Variants in KLK3 observed in about 807,000 individuals in gnomAD.
The protein encoded by KLK3 is prostate-specific antigen.
KLK3 carries 23 observed loss-of-function variants against 27.7 expected under a neutral mutation model. The observed-to-expected ratio is 0.83, with a 90% CI of 0.60 to 1.17. The LOEUF (loss-of-function observed/expected upper bound fraction) is 1.17. KLK3 is among the 50% of genes most tolerant of loss of function. The pLI, the probability that KLK3 is intolerant of heterozygous loss-of-function variation, is 0.00. For missense variants in KLK3, 322 were observed against 338.1 expected, an observed-to-expected ratio of 0.95 and a Z score of 0.37; for synonymous variants, 142 against 134.2, an observed-to-expected ratio of 1.06 and a Z score of -0.40.
In KLK3 at chr19:50,858,320, G is replaced by T; in HGVS notation, c.493+5G>T. The T allele has an allele frequency of 1.9e-6, 3 of 1,610,590 alleles. No homozygotes were observed. The highest frequency in any genetic ancestry group is 2.2e-5 in the East Asian group (1 of 44,842). On this transcript the variant is annotated splice_donor_5th_base_variant and intron_variant, in intron 3 of 4. Transcript: ENST00000326003. ...GCAGCATTGAACCAGAGGAGTGTAC[G>T]CCTGGGCCAGATGGTGCAGCCGGGA...
At chr19:50,857,162 C>CA (rs560911495) in intron 2 of KLK3, among the ~76,000 whole-genome samples, 5,871 of 46,170 alleles carry the variant, frequency 0.13, 697 homozygotes, top group African/African-American at 0.27. Context: ...GACTCCGCCT[C>CA]AAAAAAAAAA....
chr19:50,856,793 T>C, intron 2 of KLK3: 1 of 182,814 alleles, frequency 5.5e-6, no homozygotes, highest in Non-Finnish European at 1.1e-5. Context: ...AGGCTCTGTC[T>C]CTCGGTCTCT....
Position 50,860,246 on chromosome 19 carries a change from G to C in KLK3, c.*119G>C. 1 of 759,178 alleles carries C rather than the reference G, an allele frequency of 1.3e-6. No homozygotes were observed. Among genetic ancestry groups the C allele is most frequent in the Non-Finnish European group, 2.2e-6 (1 of 453,836 alleles). The allele number at this position is 759,178 out of a possible 1,614,324, so 47.0% of individuals were successfully genotyped here. Reference sequence around the variant, plus strand: ...TTAGGTGTGAGGTCCAGGGTTGCTAGGAAAAGAAATCAGCAGACACAGGTG... The same window carrying C: ...TTAGGTGTGAGGTCCAGGGTTGCTACGAAAAGAAATCAGCAGACACAGGTG... On this transcript the variant is annotated 3_prime_UTR_variant, in exon 5 of 5. Coordinates refer to ENST00000326003, the MANE Select transcript of KLK3 (RefSeq NM_001648.2).
intron 4 of KLK3, chr19:50,859,462 C>G (rs2090170666): frequency 1.5e-6 from 2 of 1,364,810 alleles, no homozygotes; most frequent in Admixed American, 1.7e-5. Context: ...TGGGCCCTTA[C>G]CCAGCCTCCC....
rs182679925 is a variant in KLK3, at chr19:50,858,868, A to T, written c.630+273A>T. ...ACCCAGCACTGCCCTAGAGCCTGGGACATAGCAGTGAACAGACAGAGAGCA... is the reference window on the plus strand; with the variant it reads ...ACCCAGCACTGCCCTAGAGCCTGGGTCATAGCAGTGAACAGACAGAGAGCA... On this transcript the variant is annotated intron_variant, in intron 4 of 4. Coordinates refer to ENST00000326003, the MANE Select transcript of KLK3 (RefSeq NM_001648.2). 1,150 of 567,228 alleles carry T rather than the reference A, an allele frequency of 2.0e-3. 8 individuals are homozygous for T. Among genetic ancestry groups the T allele is most frequent in the African/African-American group, 0.019 (1,002 of 53,508 alleles). The allele number at this position is 567,228 out of a possible 1,614,324, so 35.1% of individuals were successfully genotyped here.
At chr19:50,859,890 C>T in intron 4 of KLK3, 82 bp from the exon 5 acceptor site, 1 of 1,529,462 alleles carries the variant, frequency 6.5e-7, no homozygotes, top group South Asian at 1.3e-5. Context: ...CTGTTATCTG[C>T]CTGTCCAGGT....
At chr19:50,855,143 C>G in intron 1 of KLK3, 142 bp downstream of exon 1, 1 of 745,992 alleles carries the variant, frequency 1.3e-6, no homozygotes, top group Non-Finnish European at 2.3e-6. Context: ...CCACTCCAAG[C>G]CCATACCCCC....
intron 4 of KLK3, chr19:50,859,495 C>G (rs763533161): frequency 6.4e-7 from 1 of 1,559,250 alleles, no homozygotes; most frequent in South Asian, 1.1e-5. Context: ...GGCCCTCAGT[C>G]TCTCCCCTCC....
intron 2 of KLK3, among the ~76,000 whole-genome samples, chr19:50,857,162 CAAAAAAAAA>C (rs560911495): frequency 4.3e-5 from 2 of 46,416 alleles, no homozygotes; most frequent in Non-Finnish European, 8.3e-5. Flanking sequence ...GACTCCGCCT[CAAAAAAAAA>C]AAAAAAAAAA....
chr19:50,859,074 G>T, intron 4 of KLK3: 1 of 207,944 alleles, frequency 4.8e-6, no homozygotes. Flanking sequence ...CCTGCCGCAG[G>T]GGAGGGGAGG....
intron 2 of KLK3, 48 bp downstream of exon 2, chr19:50,856,447 G>C: frequency 6.3e-7 from 1 of 1,590,568 alleles, no homozygotes; most frequent in Non-Finnish European, 8.6e-7. Context: ...TGTCCCAGAG[G>C]AATAACAGCT....
rs755527546 is a variant in KLK3 at position 50,858,196 on chromosome 19, G to A, written c.374G>A (p.Arg125His). 1.7e-5 allele frequency: 27 copies of A among 1,614,034 alleles called. No homozygotes were observed. The highest frequency in any genetic ancestry group is 3.3e-4 in the Middle Eastern group (2 of 6,084). ...DDSSHDLMLLRLSEPAELTDA... is the reference protein window; with the variant it reads ...DDSSHDLMLLHLSEPAELTDA... ...TCCAGCCACGACCTCATGCTGCTCC[G>A]CCTGTCAGAGCCTGCCGAGCTCACG... is the stretch of plus-strand genomic sequence containing the variant. The change falls in exon 3 of 5, where the codon CGC becomes CAC. Residue 125 changes from arginine to histidine, a missense_variant. Coordinates refer to ENST00000326003, the MANE Select transcript of KLK3 (RefSeq NM_001648.2).
chr19:50,859,463 C>T, intron 4 of KLK3: 1 of 1,382,002 alleles, frequency 7.2e-7, no homozygotes, highest in South Asian at 1.2e-5. Context: ...GGGCCCTTAC[C>T]CAGCCTCCCT....
chr19:50,857,405 G>C (rs1014994982), intron 2 of KLK3: 1 of 152,498 alleles, frequency 6.6e-6, no homozygotes, highest in Non-Finnish European at 1.5e-5. Context: ...CCTGGGGAGC[G>C]AAGTGGAGGA....
intron 4 of KLK3, chr19:50,858,827 T>G: frequency 5.0e-6 from 3 of 604,776 alleles, no homozygotes; most frequent in Non-Finnish European, 8.8e-6. Flanking sequence ...ACACGGTTAC[T>G]AGGCACCTGC....
intron 4 of KLK3, 118 bp downstream of exon 4, chr19:50,858,713 G>T: frequency 8.8e-7 from 1 of 1,132,104 alleles, no homozygotes; most frequent in Non-Finnish European, 1.3e-6. Flanking sequence ...CTGTAGCCAT[G>T]CCACCTCCCC....
At chr19:50,855,364 A>G (rs946724429) in intron 1 of KLK3, 1 of 287,206 alleles carries the variant, frequency 3.5e-6, no homozygotes. Context: ...GGACCGTATC[A>G]CTGGTCCACC....
At chr19:50,857,616 G>C (rs562775417) in intron 2 of KLK3, 21 of 167,584 alleles carry the variant, frequency 1.3e-4, no homozygotes, top group Admixed American at 3.6e-4. Context: ...TTGACTTCCT[G>C]CTTCCCTTTC....
chr19:50,859,078 G>A, intron 4 of KLK3: 1 of 207,544 alleles, frequency 4.8e-6, no homozygotes, highest in Non-Finnish European at 9.6e-6. Flanking sequence ...CCGCAGGGGA[G>A]GGGAGGGCCC....
Sources: gnomAD v4.1 joint callset for allele counts (sites outside exome capture counted in the v4.1 genomes callset) on GRCh38, gnomAD v4.1.1 for gene constraint, MANE v1.5 for transcripts, NCBI Gene and HGNC (gene_info 2026-07-23, HGNC 2026-07-21) for gene names.